Variants in SLX4 observed in about 807,000 individuals in gnomAD.
The protein encoded by SLX4 is SLX4 structure-specific endonuclease subunit.
Under a neutral mutation model 146.2 loss-of-function variants are expected in SLX4, and 112 were observed. The ratio of observed to expected loss-of-function variants is 0.77; its 90% CI spans 0.66 to 0.90. The LOEUF is 0.90. Among genes scored for constraint, SLX4 ranks in the 40% least tolerant of loss-of-function variants. The probability of loss-of-function intolerance (pLI) is 0.00; values close to 1 mark genes in which losing one functional copy is unlikely to be tolerated. For missense variants in SLX4, 2,563 were observed against 2,392.7 expected, an observed-to-expected ratio of 1.07 and a Z score of -1.49; for synonymous variants, 1,061 against 997.7, an observed-to-expected ratio of 1.06 and a Z score of -1.20.
rs1384033342 is a variant in SLX4, at chr16:3,590,516, T to A, written c.3122A>T (p.Gln1041Leu). The change falls in exon 12 of 15, where the codon CAG becomes CTG. Residue 1041 changes from glutamine to leucine, a missense_variant. Transcript: ENST00000294008. The surrounding 1 kb of genome is among the most constrained non-coding windows in gnomAD (Gnocchi z 4.8). Reference protein sequence around the residue: ...HPCRFLLGPPQGGSPRGSHHT... With the variant: ...HPCRFLLGPPLGGSPRGSHHT... The stretch of plus-strand genomic sequence containing the variant: ...ATGAGACCCGCGGGGACTCCCGCCC[T>A]GGGGAGGCCCCAATAGGAAGCGGCA... The A allele has an allele frequency of 1.1e-5, 18 of 1,613,278 alleles. No homozygotes were observed. The highest frequency in any genetic ancestry group is 1.3e-5 in the African/African-American group (1 of 74,914).
intron 12 of SLX4, among the ~76,000 whole-genome samples, chr16:3,587,172 T>C (rs573538575): frequency 1.3e-5 from 2 of 150,250 alleles, no homozygotes; most frequent in East Asian, 3.9e-4. Flanking sequence ...TATTATGGTA[T>C]GTGAATTATA....
At chr16:3,585,382 C>G (rs528634851) in intron 12 of SLX4, among the ~76,000 whole-genome samples, 4 of 152,016 alleles carry the variant, frequency 2.6e-5, no homozygotes, top group African/African-American at 7.2e-5. Context: ...GTCAGGAGAT[C>G]GAGACCATCC....
At chr16:3,584,593 G>C (rs2040486536) in intron 13 of SLX4, among the ~76,000 whole-genome samples, 176 bp downstream of exon 13, 1 of 152,186 alleles carries the variant, frequency 6.6e-6, no homozygotes, top group African/African-American at 2.4e-5. Flanking sequence ...GCACCCAGCA[G>C]TCACACATGC....
chr16:3,588,883 G>T, intron 12 of SLX4, 119 bp downstream of exon 12: 1 of 1,276,040 alleles, frequency 7.8e-7, no homozygotes, highest in Non-Finnish European at 1.1e-6. Context: ...GAAGTGTCAT[G>T]CCTCAGGTCA....
chr16:3,596,056 C>T (rs907103023), intron 8 of SLX4, 97 bp downstream of exon 8: 9 of 1,470,154 alleles, frequency 6.1e-6, no homozygotes, highest in Middle Eastern at 2.0e-4. Context: ...GAGCTGCCGT[C>T]GCGGCGGCAC....
chr16:3,584,813 C>T lies in SLX4; in HGVS notation c.4695G>A (p.Gln1565=), dbSNP rs943146780. The T allele has an allele frequency of 6.2e-7, 1 of 1,614,200 alleles. No homozygotes were observed. Among genetic ancestry groups the T allele is most frequent in the Non-Finnish European group, 8.5e-7 (1 of 1,180,032 alleles). The change falls in exon 13 of 15, where the codon CAG becomes CAA. Residue 1565 remains glutamine (Q), a synonymous_variant. Coordinates refer to ENST00000294008, the MANE Select transcript of SLX4 (RefSeq NM_032444.4). ...PPKVPITPMP[Q]YSIMETPVLK... The stretch of plus-strand genomic sequence containing the variant: ...GCACCGGCGTCTCCATAATGGAATA[C>T]TGTGGCATCGGCGTTATGGGCACTT...
Position 3,597,774 on chromosome 16 carries a change from G to A in SLX4, c.1366+23C>T. 1 of 1,614,070 alleles carries A rather than the reference G, an allele frequency of 6.2e-7. No homozygotes were observed. Among genetic ancestry groups the A allele is most frequent in the Non-Finnish European group, 8.5e-7 (1 of 1,180,004 alleles). ...GGACCTGCTGATGGCCTCTCCCAGG[G>A]TCACTCTTCTGATCACACAAACCTG... On this transcript the variant is annotated intron_variant, in intron 6 of 14. Transcript: ENST00000294008. The surrounding 1 kb of genome is among the most constrained non-coding windows in gnomAD (Gnocchi z 4.4).
At chr16:3,583,795 G>T (rs1390062504) in intron 13 of SLX4, among the ~76,000 whole-genome samples, 1 of 152,022 alleles carries the variant, frequency 6.6e-6, no homozygotes, top group African/African-American at 2.4e-5. Context: ...TTGAGCTCAG[G>T]AGTTCAAGGC....
chr16:3,586,405 C>T (rs2151119139), intron 12 of SLX4, among the ~76,000 whole-genome samples: 1 of 152,088 alleles, frequency 6.6e-6, no homozygotes, highest in African/African-American at 2.4e-5. Context: ...CCTGTAGTCC[C>T]AGCTACTCAG....
Position 3,593,455 on chromosome 16 carries a change from C to G in SLX4, c.2161-590G>C, listed in dbSNP as rs138396495. On this transcript the variant is annotated intron_variant, in intron 10 of 14. Coordinates refer to ENST00000294008, the MANE Select transcript of SLX4 (RefSeq NM_032444.4). The stretch of plus-strand genomic sequence containing the variant: ...CTGGTCTTGAACTCCTGGCCTCAAG[C>G]GATCCTCCCACCTTAGTCTCCCAAA... 1.8e-3 allele frequency among the ~76,000 whole-genome samples: 273 copies of G among 152,298 alleles called. 1 individual carries two copies. The highest frequency in any genetic ancestry group is 6.3e-3 in the African/African-American group (262 of 41,558).
chr16:3,601,715 G>C, intron 4 of SLX4: 1 of 315,382 alleles, frequency 3.2e-6, no homozygotes, highest in Non-Finnish European at 6.1e-6. Context: ...TTAAGTCAAA[G>C]AAGGCAGACA....
In SLX4 at chr16:3,597,713, C is replaced by T. The variant is rs771618757; in HGVS notation, c.1367-18G>A. On this transcript the variant is annotated intron_variant, in intron 6 of 14. Transcript: ENST00000294008. The surrounding 1 kb of genome is among the most constrained non-coding windows in gnomAD (Gnocchi z 4.4). ...TTTATTCTCTAGAGAGAAACAAAAG[C>T]GACACCATCAACGGTGGAGTCGGTC... 1.1e-5 allele frequency: 17 copies of T among 1,613,914 alleles called. No homozygotes were observed. The South Asian group carries it at 1.3e-4, about 13-fold the overall frequency.
At chr16:3,604,068 A>G (rs1381829093) in intron 3 of SLX4, among the ~76,000 whole-genome samples, 1 of 152,020 alleles carries the variant, frequency 6.6e-6, no homozygotes, top group Non-Finnish European at 1.5e-5. Context: ...CATTTCTAGT[A>G]AAAATACAAA....
intron 5 of SLX4, among the ~76,000 whole-genome samples, chr16:3,598,203 G>A (rs1324838111): frequency 6.6e-6 from 1 of 152,204 alleles, no homozygotes; most frequent in Non-Finnish European, 1.5e-5. Flanking sequence ...GGCACAGGAG[G>A]GTCTGGGTTC....
At chr16:3,603,045 CCT>C (rs1375664326) in intron 3 of SLX4, among the ~76,000 whole-genome samples, 40 of 151,896 alleles carry the variant, frequency 2.6e-4, no homozygotes, top group East Asian at 5.8e-4. Context: ...ATTTTGGTGC[CCT>C]GTTTTGTTTG....
At chr16:3,591,474 C>T (rs1278772295) in intron 11 of SLX4, among the ~76,000 whole-genome samples, 164 bp from the exon 12 acceptor site, 1 of 152,192 alleles carries the variant, frequency 6.6e-6, no homozygotes, top group Non-Finnish European at 1.5e-5. Flanking sequence ...GCCAGAAACA[C>T]CCAGGCCACT....
chr16:3,590,144 T>A lies in SLX4; in HGVS notation c.3494A>T (p.Gln1165Leu). 1.2e-6 allele frequency: 2 copies of A among 1,614,196 alleles called. No individual in the cohort carries two copies. Among genetic ancestry groups the A allele is most frequent in the African/African-American group, 1.3e-5 (1 of 75,044 alleles). ...ACTAGAAATGGACTTCATTTTGGTT[T>A]GTTCTAGCTCCAGCTCCTCATCCGA... ...LDSDEELELE[Q>L]TKMKSISSDP... The change falls in exon 12 of 15, where the codon CAA becomes CTA. Residue 1165 changes from glutamine to leucine, a missense_variant. By Grantham distance (113) the Gln-to-Leu change is moderately radical (BLOSUM62 -2). Coordinates refer to ENST00000294008, the MANE Select transcript of SLX4 (RefSeq NM_032444.4). The surrounding 1 kb of genome is among the most constrained non-coding windows in gnomAD (Gnocchi z 4.8).
chr16:3,585,606 G>T (rs1362756451), intron 12 of SLX4, among the ~76,000 whole-genome samples: 3 of 144,050 alleles, frequency 2.1e-5, no homozygotes, highest in Non-Finnish European at 4.6e-5. Flanking sequence ...AAAAAAAAGG[G>T]CAAAGGATGT....
At chr16:3,598,493 T>C (rs939569431) in intron 5 of SLX4, among the ~76,000 whole-genome samples, 1 of 152,228 alleles carries the variant, frequency 6.6e-6, no homozygotes, top group East Asian at 1.9e-4. Flanking sequence ...AGGCTGCCGA[T>C]GGTCAACATT....
Sources: allele counts gnomAD v4.1 joint callset (sites outside exome capture counted in the v4.1 genomes callset), GRCh38; gene constraint gnomAD v4.1.1; non-coding constraint Gnocchi (gnomAD v3.1); transcripts MANE v1.5; gene names NCBI Gene and HGNC (gene_info 2026-07-23, HGNC 2026-07-21).